The following KCNQ1OT1 variants were observed in gnomAD, a reference collection of about 807,000 sequenced individuals.
The protein encoded by KCNQ1OT1 is KCNQ1 opposite strand/antisense transcript 1.
Position 2,698,402 on chromosome 11 carries a change from T to C in KCNQ1OT1, n.1593A>G. On this transcript the variant is annotated non_coding_transcript_exon_variant, in exon 1 of 1. Transcript: ENST00000597346. This position sits in a 1 kb window ranked among gnomAD's most constrained non-coding sequence, Gnocchi z 5.1. Reference sequence around the variant, plus strand: ...GGGACCACAGTGGGGTACTGGGATCTGAACATAGTGGTGGCCCTTCAAGCC... The same window carrying C: ...GGGACCACAGTGGGGTACTGGGATCCGAACATAGTGGTGGCCCTTCAAGCC... The C allele has an allele frequency of 2.5e-6, 1 of 397,908 alleles. No individual in the cohort carries two copies. The highest frequency in any genetic ancestry group is 4.4e-6 in the Non-Finnish European group (1 of 225,998). The allele number at this position is 397,908 out of a possible 1,614,324, so 24.6% of individuals were successfully genotyped here.
rs1849272198 is a variant in KCNQ1OT1, at chr11:2,626,995, T to A, written n.73000A>T. On this transcript the variant is annotated non_coding_transcript_exon_variant, in exon 1 of 1. Coordinates refer to ENST00000597346, the Ensembl canonical transcript of KCNQ1OT1. The surrounding 1 kb of genome is among the most constrained non-coding windows in gnomAD (Gnocchi z 4.0). ...GATTTTTATTGGGATTACCTTGGAT[T>A]TGTAGATTGTTTTGTGTGGTACTGA... 1 of 398,590 alleles carries A rather than the reference T, an allele frequency of 2.5e-6. No homozygotes were observed. The highest frequency in any genetic ancestry group is 3.6e-5 in the East Asian group (1 of 28,072). 24.7% of individuals were successfully genotyped at this position (398,590 alleles called of 1,614,324 possible).
rs1300948764 is a variant in KCNQ1OT1 at position 2,664,402 on chromosome 11, G to C, written n.35593C>G. 8 of 398,644 alleles carry C rather than the reference G, an allele frequency of 2.0e-5. No individual in the cohort carries two copies. The highest frequency in any genetic ancestry group is 3.5e-5 in the Non-Finnish European group (8 of 226,162). 24.7% of individuals were successfully genotyped at this position (398,644 alleles called of 1,614,324 possible). On this transcript the variant is annotated non_coding_transcript_exon_variant, in exon 1 of 1. Coordinates refer to ENST00000597346, the Ensembl canonical transcript of KCNQ1OT1. The surrounding 1 kb of genome is among the most constrained non-coding windows in gnomAD (Gnocchi z 5.1). Reference sequence around the variant, plus strand: ...TCCCTCCAGAGAGGCCTGAAGGGGAGAGTGGGCACGTACAGTGTCAGGGCC... The same window carrying C: ...TCCCTCCAGAGAGGCCTGAAGGGGACAGTGGGCACGTACAGTGTCAGGGCC...
At chr11:2,638,180 T>A (rs896468542) in exon 1 of KCNQ1OT1, 2 of 152,218 alleles carry the variant, frequency 1.3e-5, no homozygotes, top group East Asian at 3.8e-4. Flanking sequence ...CTATTTACAT[T>A]TAAGGTTAAT....
rs751253543 is a variant in KCNQ1OT1, at chr11:2,698,461, T to A, written n.1534A>T. ...AGACTGAGACCTGCATCTGATCAAC[T>A]CTCATCTCCAATATGACCAAGAGAC... On this transcript the variant is annotated non_coding_transcript_exon_variant, in exon 1 of 1. Transcript: ENST00000597346. The surrounding 1 kb of genome is among the most constrained non-coding windows in gnomAD (Gnocchi z 5.1). 7 of 398,262 alleles carry A rather than the reference T, an allele frequency of 1.8e-5. No homozygotes were observed. Among genetic ancestry groups the A allele is most frequent in the Non-Finnish European group, 2.7e-5 (6 of 226,048 alleles). 24.7% of individuals were successfully genotyped at this position (398,262 alleles called of 1,614,324 possible). A position where few individuals can be genotyped will look rare whatever the true frequency, so the allele number is the denominator to read the frequency against.
chr11:2,695,775 C>G lies in KCNQ1OT1; in HGVS notation n.4220G>C, dbSNP rs966404641. Reference sequence around the variant, plus strand: ...TCTGCCAACACTTGGCCTTATCCTACTTTCTAATGCTTCTCCTATGAAGAA... The same window carrying G: ...TCTGCCAACACTTGGCCTTATCCTAGTTTCTAATGCTTCTCCTATGAAGAA... On this transcript the variant is annotated non_coding_transcript_exon_variant, in exon 1 of 1. Transcript: ENST00000597346. This position sits in a 1 kb window ranked among gnomAD's most constrained non-coding sequence, Gnocchi z 5.2. 1 of 398,536 alleles carries G rather than the reference C, an allele frequency of 2.5e-6. No individual in the cohort carries two copies. The highest frequency in any genetic ancestry group is 2.1e-5 in the African/African-American group (1 of 48,632). The allele number at this position is 398,536 out of a possible 1,614,324, so 24.7% of individuals were successfully genotyped here. A position where few individuals can be genotyped will look rare whatever the true frequency, so the allele number is the denominator to read the frequency against.
Position 2,677,626 on chromosome 11 carries a change from C to T in KCNQ1OT1, n.22369G>A. 2.5e-6 allele frequency: 1 copy of T among 398,520 alleles called. No individual in the cohort carries two copies. Among genetic ancestry groups the T allele is most frequent in the East Asian group, 3.6e-5 (1 of 28,074 alleles). 24.7% of individuals were successfully genotyped at this position (398,520 alleles called of 1,614,324 possible). A position where few individuals can be genotyped will look rare whatever the true frequency, so the allele number is the denominator to read the frequency against. On this transcript the variant is annotated non_coding_transcript_exon_variant, in exon 1 of 1. Transcript: ENST00000597346. The surrounding 1 kb of genome is among the most constrained non-coding windows in gnomAD (Gnocchi z 4.5). ...GATTTGTTTTTTTCTAAAACGTGTA[C>T]ATAATTGTAACTCTAACAACTGTTA...
chr11:2,618,498 T>C (rs1849107317), exon 1 of KCNQ1OT1: 3 of 398,582 alleles, frequency 7.5e-6, no homozygotes, highest in East Asian at 3.6e-5. Context: ...TTGTGGAAAA[T>C]TGGTTGATCA....
chr11:2,670,718 G>C lies in KCNQ1OT1; in HGVS notation n.29277C>G, dbSNP rs1472507661. 5.0e-6 allele frequency: 2 copies of C among 398,682 alleles called. No individual in the cohort carries two copies. The highest frequency in any genetic ancestry group is 8.8e-6 in the Non-Finnish European group (2 of 226,116). 24.7% of individuals were successfully genotyped at this position (398,682 alleles called of 1,614,324 possible). A position where few individuals can be genotyped will look rare whatever the true frequency, so the allele number is the denominator to read the frequency against. ...AGGGATTCTGTGGCCCATGGAGCAG[G>C]AGGGAACAGTCTGCAGATATTATCT... is the stretch of plus-strand genomic sequence containing the variant. On this transcript the variant is annotated non_coding_transcript_exon_variant, in exon 1 of 1. Coordinates refer to ENST00000597346, the Ensembl canonical transcript of KCNQ1OT1. The surrounding 1 kb of genome is among the most constrained non-coding windows in gnomAD (Gnocchi z 4.9).
Position 2,614,596 on chromosome 11 carries a change from T to A in KCNQ1OT1, n.85399A>T, listed in dbSNP as rs80257402. 5 of 398,500 alleles carry A rather than the reference T, an allele frequency of 1.3e-5. No individual in the cohort carries two copies. The East Asian group carries it at 1.8e-4, about 14-fold the overall frequency. The allele number at this position is 398,500 out of a possible 1,614,324, so 24.7% of individuals were successfully genotyped here. The stretch of plus-strand genomic sequence containing the variant: ...GGGTCCAACTTCATTCTTTGATATA[T>A]GAGGATCCAGTTGCCCCAGCACCAT... On this transcript the variant is annotated non_coding_transcript_exon_variant, in exon 1 of 1. Transcript: ENST00000597346.
chr11:2,664,826 G>C lies in KCNQ1OT1; in HGVS notation n.35169C>G. ...TTCCATTTTTCTTCAGCATTCTACT[G>C]ATGTTAAATGTATTACCATGCTGGG... On this transcript the variant is annotated non_coding_transcript_exon_variant, in exon 1 of 1. Coordinates refer to ENST00000597346, the Ensembl canonical transcript of KCNQ1OT1. This position sits in a 1 kb window ranked among gnomAD's most constrained non-coding sequence, Gnocchi z 5.1. The C allele has an allele frequency of 2.5e-6, 1 of 398,684 alleles. No individual in the cohort carries two copies. Among genetic ancestry groups the C allele is most frequent in the Non-Finnish European group, 4.4e-6 (1 of 226,100 alleles). The allele number at this position is 398,684 out of a possible 1,614,324, so 24.7% of individuals were successfully genotyped here.
chr11:2,610,447 C>G (rs1331650162), exon 1 of KCNQ1OT1: 1 of 398,146 alleles, frequency 2.5e-6, no homozygotes, highest in Non-Finnish European at 4.4e-6. Context: ...TATATTTGAT[C>G]CACTTTTTTG....
At chr11:2,631,829 C>G in exon 1 of KCNQ1OT1, 1 of 398,462 alleles carries the variant, frequency 2.5e-6, no homozygotes, top group Non-Finnish European at 4.4e-6. Flanking sequence ...CTGATGCTGT[C>G]GTGTAAATAG....
rs1849163464 is a variant in KCNQ1OT1 at position 2,621,058 on chromosome 11, A to G, written n.78937T>C. 2 of 395,800 alleles carry G rather than the reference A, an allele frequency of 5.1e-6. No homozygotes were observed. The highest frequency in any genetic ancestry group is 8.9e-6 in the Non-Finnish European group (2 of 225,534). 24.5% of individuals were successfully genotyped at this position (395,800 alleles called of 1,614,324 possible). A position where few individuals can be genotyped will look rare whatever the true frequency, so the allele number is the denominator to read the frequency against. Reference sequence around the variant, plus strand: ...AGTGGCGCAATCTCGGCTCACTGCAACCTCCACCTCCTGGGTTCAAGCAAT... The same window carrying G: ...AGTGGCGCAATCTCGGCTCACTGCAGCCTCCACCTCCTGGGTTCAAGCAAT... On this transcript the variant is annotated non_coding_transcript_exon_variant, in exon 1 of 1. Transcript: ENST00000597346. This position sits in a 1 kb window ranked among gnomAD's most constrained non-coding sequence, Gnocchi z 5.7.
At chr11:2,696,764 G>A (rs946508491) in exon 1 of KCNQ1OT1, 4 of 398,472 alleles carry the variant, frequency 1.0e-5, no homozygotes, top group African/African-American at 8.2e-5. Context: ...TTCCATAAAA[G>A]TCGTCGTCTT....
chr11:2,656,118 G>A (rs893513768), exon 1 of KCNQ1OT1: 3 of 398,524 alleles, frequency 7.5e-6, no homozygotes, highest in African/African-American at 2.1e-5. Context: ...CTACGTTCTA[G>A]CCTGTGCTCC....
chr11:2,625,977 C>T (rs1009589526), exon 1 of KCNQ1OT1: 7 of 398,468 alleles, frequency 1.8e-5, no homozygotes, highest in Admixed American at 8.8e-5. Context: ...AAATTTTTCT[C>T]CCATTCTGTA....
chr11:2,631,906 G>A (rs991596806), exon 1 of KCNQ1OT1: 36 of 397,556 alleles, frequency 9.1e-5, no homozygotes, highest in Non-Finnish European at 1.4e-4. Context: ...CTGAAAGCTG[G>A]GCGCAGTGGC....
chr11:2,684,658 T>C (rs1850453645), exon 1 of KCNQ1OT1: 1 of 398,556 alleles, frequency 2.5e-6, no homozygotes, highest in Non-Finnish European at 4.4e-6. Flanking sequence ...AAAGAAAGGC[T>C]TGTTGGATGT....
chr11:2,629,838 C>G (rs1056758189), exon 1 of KCNQ1OT1: 23 of 397,442 alleles, frequency 5.8e-5, no homozygotes, highest in Non-Finnish European at 9.7e-5. Context: ...GAGTCTGTAG[C>G]ATTTTCTACA....
Sources: gnomAD v4.1 joint callset for allele counts on GRCh38, gnomAD v4.1.1 for gene constraint, Gnocchi (gnomAD v3.1) non-coding constraint, MANE v1.5 for transcripts, NCBI Gene and HGNC (gene_info 2026-07-23, HGNC 2026-07-21) for gene names.